The following SYN1 variants were observed in gnomAD, a reference collection of about 807,000 sequenced individuals.
The protein encoded by SYN1 is synapsin-1.
SYN1 carries 8 observed loss-of-function variants against 44.6 expected under a neutral mutation model. The ratio of observed to expected loss-of-function variants is 0.18; its 90% CI spans 0.11 to 0.32. The LOEUF (loss-of-function observed/expected upper bound fraction) is 0.32. Among genes scored for constraint, SYN1 ranks in the 10% least tolerant of loss-of-function variants. The pLI, the probability that SYN1 is intolerant of heterozygous loss-of-function variation, is 1.00. For missense variants in SYN1, 451 were observed against 639.4 expected, an observed-to-expected ratio of 0.71 and a Z score of 3.18; for synonymous variants, 275 against 280.1, an observed-to-expected ratio of 0.98 and a Z score of 0.18.
chrX:47,589,294 C>CAA (rs147024653), intron 5 of SYN1, among the ~76,000 whole-genome samples: 189 of 59,897 alleles, frequency 3.2e-3, no homozygotes, highest in East Asian at 0.018. Flanking sequence ...AAGACTGTCT[C>CAA]AAAAAAAAAA....
chrX:47,581,204 G>A (rs887113318), intron 5 of SYN1, among the ~76,000 whole-genome samples: 10 of 112,351 alleles, frequency 8.9e-5, no homozygotes, highest in African/African-American at 3.2e-4. Context: ...AGGGAGTATG[G>A]TGAGTGAATG....
At chrX:47,573,023 G>C in intron 12 of SYN1, 24 bp from the exon 13 acceptor site, 1 of 1,210,168 alleles carries the variant, frequency 8.3e-7, no homozygotes, top group Non-Finnish European at 1.1e-6. Context: ...AGGTGGAGGC[G>C]TGGGAGGAAG....
At chrX:47,585,814 T>C in intron 5 of SYN1, 1 of 1,153,397 alleles carries the variant, frequency 8.7e-7, no homozygotes. Flanking sequence ...TCTCTTGCTA[T>C]TTCCCCAAGC....
chrX:47,603,821 C>G (rs1461215875), intron 5 of SYN1, among the ~76,000 whole-genome samples: 4 of 108,022 alleles, frequency 3.7e-5, no homozygotes, highest in African/African-American at 1.0e-4. Context: ...TAATTCATGA[C>G]ATAGGTACTC....
At chrX:47,599,208 C>A (rs2057872715) in intron 5 of SYN1, among the ~76,000 whole-genome samples, 1 of 111,179 alleles carries the variant, frequency 9.0e-6, no homozygotes, top group Non-Finnish European at 1.9e-5. Flanking sequence ...TAAACCCTAC[C>A]TTATCAGGAA....
chrX:47,619,785 G>A lies in SYN1; in HGVS notation c.-57C>T. On this transcript the variant is annotated 5_prime_UTR_variant, in exon 1 of 13. Transcript: ENST00000295987. ...TGGTCTGGCCAGGAGCCGCGGGGGCGGACTGCGCGGTGCCCAGGAGCACAG... is the reference window on the plus strand; with the variant it reads ...TGGTCTGGCCAGGAGCCGCGGGGGCAGACTGCGCGGTGCCCAGGAGCACAG... The A allele has an allele frequency of 9.0e-7, 1 of 1,116,495 alleles. No homozygotes were observed. The highest frequency in any genetic ancestry group is 1.2e-6 in the Non-Finnish European group (1 of 836,489). The allele number at this position is 1,116,495 out of a possible 1,213,427, so 92.0% of individuals were successfully genotyped here. A position where few individuals can be genotyped will look rare whatever the true frequency, so the allele number is the denominator to read the frequency against.
At chrX:47,608,863 A>G (rs5953067) in intron 1 of SYN1, among the ~76,000 whole-genome samples, 43,655 of 103,407 alleles carry the variant, frequency 0.42, 7,410 homozygotes, top group African/African-American at 0.54. Flanking sequence ...TCACTGACAC[A>G]CATACAATCA....
intron 5 of SYN1, among the ~76,000 whole-genome samples, chrX:47,588,939 G>A (rs73496224): frequency 2.7e-3 from 299 of 111,278 alleles, no homozygotes; most frequent in African/African-American, 8.9e-3. Flanking sequence ...ATCCTTCAGA[G>A]GTCTGTGGTG....
intron 5 of SYN1, among the ~76,000 whole-genome samples, chrX:47,603,805 ATAATT>A (rs779208643): frequency 1.8e-5 from 2 of 110,345 alleles, no homozygotes; most frequent in African/African-American, 3.3e-5. Context: ...ACTAGAAACT[ATAATT>A]TAATTCATGA....
chrX:47,581,862 G>C (rs929255208), intron 5 of SYN1, among the ~76,000 whole-genome samples: 7 of 111,629 alleles, frequency 6.3e-5, no homozygotes, highest in African/African-American at 2.3e-4. Context: ...TATTGACTCT[G>C]TGATCCTGGG....
At chrX:47,596,880 T>C (rs1234295163) in intron 5 of SYN1, among the ~76,000 whole-genome samples, 1 of 112,370 alleles carries the variant, frequency 8.9e-6, no homozygotes, top group African/African-American at 3.2e-5. Flanking sequence ...ACACTATCCC[T>C]GAGGAAACCC....
At chrX:47,587,520 A>G (rs958924119) in intron 5 of SYN1, 6 of 113,149 alleles carry the variant, frequency 5.3e-5, no homozygotes, top group African/African-American at 1.6e-4. Context: ...TCCTCTGACC[A>G]ACTTGGAAGG....
chrX:47,598,654 C>T (rs980128183), intron 5 of SYN1, among the ~76,000 whole-genome samples: 1 of 111,083 alleles, frequency 9.0e-6, no homozygotes, highest in Non-Finnish European at 1.9e-5. Context: ...GGTGAAACCC[C>T]GCCTCAATTA....
chrX:47,588,329 CT>C (rs1328901678), intron 5 of SYN1, among the ~76,000 whole-genome samples: 1 of 112,829 alleles, frequency 8.9e-6, no homozygotes, highest in African/African-American at 3.2e-5. Flanking sequence ...CTGCAAGAGG[CT>C]GACCGCTCCT....
At chrX:47,616,036 C>T (rs187834364) in intron 1 of SYN1, among the ~76,000 whole-genome samples, 3 of 111,844 alleles carry the variant, frequency 2.7e-5, no homozygotes, top group African/African-American at 9.7e-5. Flanking sequence ...GTGGAAAAGG[C>T]GTCAGACTGT....
Position 47,607,164 on chromosome X carries a change from C to T in SYN1, c.412G>A (p.Glu138Lys). ...KYFKGKKIHGEIDIKVEQAEF... is the reference protein window; with the variant it reads ...KYFKGKKIHGKIDIKVEQAEF... ...ACCTGTTCTACTTTAATGTCAATTT[C>T]TCCATGGATCTTTTTCCCTTTGAAG... The change falls in exon 2 of 13, where the codon GAA becomes AAA. Residue 138 changes from glutamate to lysine, a missense_variant. Around this residue, in one of 3 missense-constraint regions of SYN1, gnomAD observed 315 missense variants for 451.4 expected, o/e 0.70. Coordinates refer to ENST00000295987, the MANE Select transcript of SYN1 (RefSeq NM_006950.3). The T allele has an allele frequency of 8.3e-7, 1 of 1,211,418 alleles. No individual in the cohort carries two copies. Among genetic ancestry groups the T allele is most frequent in the Non-Finnish European group, 1.1e-6 (1 of 895,252 alleles).
chrX:47,606,875 C>G, intron 3 of SYN1, 70 bp downstream of exon 3: 1 of 1,065,293 alleles, frequency 9.4e-7, no homozygotes, highest in Non-Finnish European at 1.3e-6. Context: ...GAGGTAGGAA[C>G]TTTCCCCCAG....
intron 5 of SYN1, chrX:47,585,158 G>A: frequency 8.6e-7 from 1 of 1,167,819 alleles, no homozygotes. Flanking sequence ...ACCTGGAGTG[G>A]GAGGATTATG....
chrX:47,611,757 A>G (rs2057917378), intron 1 of SYN1, among the ~76,000 whole-genome samples: 1 of 111,564 alleles, frequency 9.0e-6, no homozygotes, highest in African/African-American at 3.3e-5. Context: ...CACATCCACT[A>G]CAGAGGGTGG....
Sources: allele counts gnomAD v4.1 joint callset (sites outside exome capture counted in the v4.1 genomes callset), GRCh38; gene constraint gnomAD v4.1.1; regional missense constraint gnomAD v4.1.1; transcripts MANE v1.5; gene names NCBI Gene and HGNC (gene_info 2026-07-23, HGNC 2026-07-21).